The following CHURC1 variants were observed in gnomAD, a reference collection of about 807,000 sequenced individuals.
CHURC1 encodes the protein protein Churchill.
CHURC1 carries 12 observed loss-of-function variants against 15.4 expected under a neutral mutation model. That is an observed-to-expected ratio of 0.78 (90% CI 0.50 to 1.27). The LOEUF (loss-of-function observed/expected upper bound fraction) is 1.27, where lower values mean the gene tolerates loss of function less well. Ranked by LOEUF, CHURC1 falls within the 50% of genes most tolerant of loss-of-function variation. The probability of loss-of-function intolerance (pLI) is 0.00; values close to 1 mark genes in which losing one functional copy is unlikely to be tolerated. For synonymous variants in CHURC1, 42 were observed against 47.5 expected, an observed-to-expected ratio of 0.88 and a Z score of 0.48; for missense variants, 132 against 137.8, an observed-to-expected ratio of 0.96 and a Z score of 0.21.
Position 64,925,971 on chromosome 14 carries a change from C to CG in CHURC1, c.176-39_176-38insG, listed in dbSNP as rs1555383558. 3.4e-6 allele frequency: 5 copies of CG among 1,460,194 alleles called. No individual in the cohort carries two copies. The South Asian group carries it at 3.9e-5, about 11-fold the overall frequency. 90.5% of individuals were successfully genotyped at this position (1,460,194 alleles called of 1,614,324 possible). Reference sequence around the variant, plus strand: ...TTTAATAGAAGTTTTAAGAAACTCTCTAAGACTTAATTACGTAAGTCTCTC... The same window carrying CG: ...TTTAATAGAAGTTTTAAGAAACTCTCGTAAGACTTAATTACGTAAGTCTCTC... On this transcript the variant is annotated intron_variant, in intron 2 of 3. Coordinates refer to ENST00000549115, the MANE Select transcript of CHURC1 (RefSeq NM_001386928.1).
At chr14:64,921,836 A>G (rs1884322291) in intron 1 of CHURC1, among the ~76,000 whole-genome samples, 4 of 152,348 alleles carry the variant, frequency 2.6e-5, no homozygotes, top group African/African-American at 7.2e-5. Flanking sequence ...AGACTTGCAC[A>G]TGAATCTCTA....
chr14:64,935,093 C>T lies in CHURC1; in HGVS notation c.*2863C>T, dbSNP rs1885265384. On this transcript the variant is annotated 3_prime_UTR_variant, in exon 4 of 4. Coordinates refer to ENST00000549115, the MANE Select transcript of CHURC1 (RefSeq NM_001386928.1). ...GTAAACTATCGCAAGGACAAAAAAC[C>T]AAACACCACATGTTCTCACTCATAG... The T allele has an allele frequency of 3.7e-5, 22 of 593,308 alleles. No homozygotes were observed. The highest frequency in any genetic ancestry group is 4.7e-5 in the Non-Finnish European group (22 of 472,542). 36.8% of individuals were successfully genotyped at this position (593,308 alleles called of 1,614,324 possible). A position where few individuals can be genotyped will look rare whatever the true frequency, so the allele number is the denominator to read the frequency against.
At chr14:64,927,716 A>ACCCC (rs1172402751) in intron 3 of CHURC1, among the ~76,000 whole-genome samples, 1 of 40,708 alleles carries the variant, frequency 2.5e-5, no homozygotes, top group East Asian at 8.7e-4. Context: ...TTCTCCCCCC[A>ACCCC]CCCCCCCCCC....
intron 1 of CHURC1, among the ~76,000 whole-genome samples, chr14:64,916,872 C>T (rs1262898456): frequency 2.6e-5 from 4 of 152,084 alleles, no homozygotes; most frequent in African/African-American, 9.7e-5. Flanking sequence ...GCCACCGCGC[C>T]GGGCCTTAGG....
chr14:64,914,633 G>A (rs1883729541), intron 1 of CHURC1, 99 bp downstream of exon 1: 5 of 1,579,196 alleles, frequency 3.2e-6, no homozygotes, highest in Middle Eastern at 3.6e-4. Flanking sequence ...GGCGGACTCG[G>A]CCGCACTGCC....
chr14:64,922,345 G>A (rs1165178706), intron 1 of CHURC1, among the ~76,000 whole-genome samples: 1 of 151,798 alleles, frequency 6.6e-6, no homozygotes, highest in Non-Finnish European at 1.5e-5. Context: ...TTGGGAGGCC[G>A]AGACGGGCAG....
chr14:64,915,391 T>C (rs997503082), intron 1 of CHURC1, among the ~76,000 whole-genome samples: 1 of 152,190 alleles, frequency 6.6e-6, no homozygotes, highest in African/African-American at 2.4e-5. Flanking sequence ...AAAAAATGAG[T>C]AGCTCAGTTC....
Position 64,914,650 on chromosome 14 carries a change from G to A in CHURC1, c.39+116G>A, listed in dbSNP as rs577243670. 1.2e-5 allele frequency: 19 copies of A among 1,560,294 alleles called. No homozygotes were observed. In the Admixed American group the frequency reaches 3.4e-4, roughly 28 times the overall value. ...CGGACTCGGCCGCACTGCCGGTCCC[G>A]GTGACCCAGTAGCGGTATTTAGGCA... On this transcript the variant is annotated intron_variant, in intron 1 of 3. Coordinates refer to ENST00000549115, the MANE Select transcript of CHURC1 (RefSeq NM_001386928.1).
chr14:64,917,150 A>C lies in CHURC1; in HGVS notation c.39+2616A>C, dbSNP rs910940235. Among the ~76,000 whole-genome samples the C allele has an allele frequency of 2.0e-5, 3 of 152,152 alleles. No homozygotes were observed. The South Asian group carries it at 6.2e-4, about 32-fold the overall frequency. On this transcript the variant is annotated intron_variant, in intron 1 of 3. Coordinates refer to ENST00000549115, the MANE Select transcript of CHURC1 (RefSeq NM_001386928.1). Reference sequence around the variant, plus strand: ...AAGACCTTATTTCAAAGAAAGAATTAGGTTGGGCACGGTTCTCACACCTGT... The same window carrying C: ...AAGACCTTATTTCAAAGAAAGAATTCGGTTGGGCACGGTTCTCACACCTGT...
At position 64,934,558 on chromosome 14, in the gene CHURC1, G is replaced by T. The variant is rs566180791; in HGVS notation, c.*2328G>T. The T allele has an allele frequency of 4.1e-6, 4 of 985,426 alleles. No homozygotes were observed. In the Admixed American group the frequency reaches 2.5e-4, roughly 61 times the overall value. The allele number at this position is 985,426 out of a possible 1,614,324, so 61.0% of individuals were successfully genotyped here. ...AGATGAAGATTTATTATTCAGAAAA[G>T]TTAAGTCAGCTGTTGCAGGGATCAG... On this transcript the variant is annotated 3_prime_UTR_variant, in exon 4 of 4. Transcript: ENST00000549115.
chr14:64,914,833 T>A (rs1161176214), intron 1 of CHURC1, among the ~76,000 whole-genome samples: 2 of 152,138 alleles, frequency 1.3e-5, no homozygotes, highest in African/African-American at 4.8e-5. Flanking sequence ...CACCCCCACT[T>A]CCGGTCTCAT....
rs1409101324 is a variant in CHURC1, at chr14:64,932,325, T to C, written c.*95T>C. 3 of 1,531,248 alleles carry C rather than the reference T, an allele frequency of 2.0e-6. No individual in the cohort carries two copies. Among genetic ancestry groups the C allele is most frequent in the Non-Finnish European group, 2.6e-6 (3 of 1,136,746 alleles). 94.9% of individuals were successfully genotyped at this position (1,531,248 alleles called of 1,614,324 possible). On this transcript the variant is annotated 3_prime_UTR_variant, in exon 4 of 4. Coordinates refer to ENST00000549115, the MANE Select transcript of CHURC1 (RefSeq NM_001386928.1). Reference sequence around the variant, plus strand: ...TTATTTCATTCATACTGAAAATTCTTTGCATATTTTTTTTCTGCTTAGACT... The same window carrying C: ...TTATTTCATTCATACTGAAAATTCTCTGCATATTTTTTTTCTGCTTAGACT...
intron 3 of CHURC1, among the ~76,000 whole-genome samples, chr14:64,927,715 CA>C (rs201611385): frequency 1.5e-3 from 89 of 61,046 alleles, no homozygotes; most frequent in Non-Finnish European, 1.9e-3. Context: ...CTTCTCCCCC[CA>C]CCCCCCCCCC....
Position 64,932,531 on chromosome 14 carries a change from T to C in CHURC1, c.*301T>C, listed in dbSNP as rs1885136974. The C allele has an allele frequency of 9.7e-7, 1 of 1,026,320 alleles. No homozygotes were observed. Among genetic ancestry groups the C allele is most frequent in the Non-Finnish European group, 1.2e-6 (1 of 841,288 alleles). 63.6% of individuals were successfully genotyped at this position (1,026,320 alleles called of 1,614,324 possible). A position where few individuals can be genotyped will look rare whatever the true frequency, so the allele number is the denominator to read the frequency against. ...CTGGTGCCCAGATTTTGGTTTCCAA[T>C]AAAAGGAACCAGGACTCCTTAGAAA... On this transcript the variant is annotated 3_prime_UTR_variant, in exon 4 of 4. Transcript: ENST00000549115.
rs930430533 is a variant in CHURC1 at position 64,933,327 on chromosome 14, G to A, written c.*1097G>A. On this transcript the variant is annotated 3_prime_UTR_variant, in exon 4 of 4. Transcript: ENST00000549115. ...AAAAGGTCATTTGGTAGAAACTAGG[G>A]AAATCTGAATACAGTGTGGACTTCA... The A allele has an allele frequency of 1.0e-6, 1 of 973,580 alleles. No individual in the cohort carries two copies. Among genetic ancestry groups the A allele is most frequent in the African/African-American group, 1.8e-5 (1 of 57,004 alleles). The allele number at this position is 973,580 out of a possible 1,614,324, so 60.3% of individuals were successfully genotyped here.
chr14:64,922,434 A>T (rs1594894454), intron 1 of CHURC1, among the ~76,000 whole-genome samples: 1 of 151,846 alleles, frequency 6.6e-6, no homozygotes, highest in Non-Finnish European at 1.5e-5. Context: ...AAAAATTAGC[A>T]GGGCGTGGTG....
chr14:64,914,660 T>G (rs1883732379), intron 1 of CHURC1, 126 bp downstream of exon 1: 5 of 1,532,552 alleles, frequency 3.3e-6, no homozygotes, highest in Non-Finnish European at 4.4e-6. Flanking sequence ...GGTGACCCAG[T>G]AGCGGTATTT....
chr14:64,919,745 A>G (rs1480486738), intron 1 of CHURC1, among the ~76,000 whole-genome samples: 1 of 151,906 alleles, frequency 6.6e-6, no homozygotes, highest in African/African-American at 2.4e-5. Context: ...TTAGCCTGGC[A>G]TGGTTTTGTG....
At chr14:64,932,067 TAACTA>T in intron 3 of CHURC1, 66 bp from the exon 4 acceptor site, 1 of 1,551,800 alleles carries the variant, frequency 6.4e-7, no homozygotes, top group Non-Finnish European at 8.7e-7. Context: ...GAGAACATCT[TAACTA>T]GAGTAAGTTA....
Sources: allele counts gnomAD v4.1 joint callset (sites outside exome capture counted in the v4.1 genomes callset), GRCh38; gene constraint gnomAD v4.1.1; transcripts MANE v1.5; gene names NCBI Gene and HGNC (gene_info 2026-07-23, HGNC 2026-07-21).